MEGF6: variants seen among roughly 807,000 people sequenced by gnomAD.
MEGF6 encodes multiple epidermal growth factor-like domains protein 6.
Under a neutral mutation model 207.1 loss-of-function variants are expected in MEGF6, and 184 were observed. That is an observed-to-expected ratio of 0.89 (90% CI 0.79 to 1.00). MEGF6 has a LOEUF of 1.00. Ranked by LOEUF, MEGF6 falls within the 50% of genes least tolerant of loss-of-function variation. The pLI, the probability that MEGF6 is intolerant of heterozygous loss-of-function variation, is 0.00. For synonymous variants in MEGF6, 1,038 were observed against 910.0 expected, an observed-to-expected ratio of 1.14 and a Z score of -2.53; for missense variants, 2,282 against 2,202.9, an observed-to-expected ratio of 1.04 and a Z score of -0.72.
Position 3,592,572 on chromosome 1 carries a change from G to A in MEGF6, c.376+2766C>T, listed in dbSNP as rs967994456. On this transcript the variant is annotated intron_variant, in intron 3 of 36. Coordinates refer to ENST00000356575, the MANE Select transcript of MEGF6 (RefSeq NM_001409.4). ...GAACCCCCAGGACTCGGCAGCAGCT[G>A]AGCCAAAACCCAGCAAACAATTGAG... is the stretch of plus-strand genomic sequence containing the variant. Among the ~76,000 whole-genome samples the A allele has an allele frequency of 2.6e-5, 4 of 152,194 alleles. No homozygotes were observed. The East Asian group carries it at 5.8e-4, about 22-fold the overall frequency.
chr1:3,604,851 C>G (rs889855943), intron 1 of MEGF6, among the ~76,000 whole-genome samples: 3 of 152,088 alleles, frequency 2.0e-5, no homozygotes, highest in African/African-American at 7.2e-5. Context: ...GAGGTTGGAT[C>G]AGGGACAGAG....
chr1:3,567,314 A>T (rs898517716), intron 4 of MEGF6, among the ~76,000 whole-genome samples: 1 of 152,150 alleles, frequency 6.6e-6, no homozygotes, highest in South Asian at 2.1e-4. Flanking sequence ...CCCTGAGGCC[A>T]CAGCTCCAGA....
chr1:3,539,180 G>A (rs1389009696), intron 4 of MEGF6, among the ~76,000 whole-genome samples: 1 of 152,034 alleles, frequency 6.6e-6, no homozygotes, highest in Non-Finnish European at 1.5e-5. Flanking sequence ...GTGGGGAGGC[G>A]GCCCAGGGCA....
intron 26 of MEGF6, 159 bp from the exon 27 acceptor site, chr1:3,497,520 C>G: frequency 9.6e-7 from 1 of 1,039,496 alleles, no homozygotes; most frequent in Non-Finnish European, 1.4e-6. Context: ...CCCCGCCACC[C>G]CGGAGGGCAG....
In MEGF6 at chr1:3,490,965, G is replaced by A; in HGVS notation, c.4517-6C>T. 2 of 1,596,548 alleles carry A rather than the reference G, an allele frequency of 1.3e-6. No individual in the cohort carries two copies. The highest frequency in any genetic ancestry group is 1.7e-6 in the Non-Finnish European group (2 of 1,174,514). On this transcript the variant is annotated splice_region_variant and splice_polypyrimidine_tract_variant and intron_variant, in intron 35 of 36. Coordinates refer to ENST00000356575, the MANE Select transcript of MEGF6 (RefSeq NM_001409.4). The stretch of plus-strand genomic sequence containing the variant: ...GGGGAGCCGGAGGGGCCCACCTGGA[G>A]GGGAGAGAGAGCAGGCCATGTTAGT...
chr1:3,519,193 C>T (rs1641650452), intron 5 of MEGF6, among the ~76,000 whole-genome samples: 1 of 152,216 alleles, frequency 6.6e-6, no homozygotes, highest in Non-Finnish European at 1.5e-5. Context: ...TCATCCTGCC[C>T]AGCGCCCGCC....
At chr1:3,580,031 C>T in intron 3 of MEGF6, 102 bp from the exon 4 acceptor site, 1 of 770,400 alleles carries the variant, frequency 1.3e-6, no homozygotes, top group South Asian at 2.0e-5. Flanking sequence ...CCCAGCCTGC[C>T]AGGTCCCCAG....
chr1:3,515,752 G>A (rs1418681176), intron 5 of MEGF6, among the ~76,000 whole-genome samples: 2 of 152,220 alleles, frequency 1.3e-5, no homozygotes, highest in East Asian at 1.9e-4. Context: ...GGATCCTCAG[G>A]CCTGTGGGGG....
At chr1:3,500,064 G>T in intron 21 of MEGF6, 140 bp from the exon 22 acceptor site, 1 of 1,296,766 alleles carries the variant, frequency 7.7e-7, no homozygotes, top group Non-Finnish European at 1.0e-6. Context: ...GGGAGACTGG[G>T]CTCACTCACA....
intron 4 of MEGF6, among the ~76,000 whole-genome samples, chr1:3,545,172 C>G (rs1642662825): frequency 6.6e-6 from 1 of 152,128 alleles, no homozygotes. Context: ...CGTGCTGCCT[C>G]CGCAGGGACT....
chr1:3,539,405 C>T (rs757318940), intron 4 of MEGF6, among the ~76,000 whole-genome samples: 8 of 152,014 alleles, frequency 5.3e-5, no homozygotes, highest in Non-Finnish European at 1.0e-4. Flanking sequence ...GGGGGCTCAG[C>T]GGGTCTCTCC....
chr1:3,587,774 C>A (rs111620968), intron 3 of MEGF6, among the ~76,000 whole-genome samples: 2 of 151,664 alleles, frequency 1.3e-5, no homozygotes, highest in Admixed American at 6.6e-5. Context: ...TCAAAGCCTG[C>A]GCAGGCCATG....
chr1:3,531,345 G>A, intron 4 of MEGF6: 16 of 1,204,742 alleles, frequency 1.3e-5, no homozygotes, highest in Non-Finnish European at 1.6e-5. Flanking sequence ...CTGGTTCTGG[G>A]TTCCGGGCGG....
At chr1:3,498,613 C>T in intron 25 of MEGF6, 85 bp downstream of exon 25, 1 of 1,486,188 alleles carries the variant, frequency 6.7e-7, no homozygotes, top group Non-Finnish European at 9.0e-7. Flanking sequence ...GCGCTGCCCC[C>T]TGACCTGGGA....
Position 3,509,174 on chromosome 1 carries a change from G to A in MEGF6, c.1429C>T (p.Leu477Phe). The A allele has an allele frequency of 6.3e-7, 1 of 1,581,304 alleles. No individual in the cohort carries two copies. The highest frequency in any genetic ancestry group is 8.6e-7 in the Non-Finnish European group (1 of 1,164,284). ...AAGAGTTGCGGCAGCTCGTCCTGGA[G>A]CACGGCAATGTGGGGCAGGGGCCGC... ...FVRPLPHIAV[L>F]QDELPQLFQD... The change falls in exon 12 of 37, where the codon CTC becomes TTC. Residue 477 changes from leucine (L) to phenylalanine (F), a missense_variant. By Grantham distance (22) the Leu-to-Phe change is conservative. Transcript: ENST00000356575.
chr1:3,540,614 A>G (rs538319445), intron 4 of MEGF6, among the ~76,000 whole-genome samples: 409 of 152,336 alleles, frequency 2.7e-3, no homozygotes, highest in Middle Eastern at 6.8e-3. Flanking sequence ...GTAATTTACA[A>G]ACCCCTGGAT....
intron 4 of MEGF6, among the ~76,000 whole-genome samples, chr1:3,525,949 G>A (rs1187447520): frequency 6.6e-6 from 1 of 152,210 alleles, no homozygotes; most frequent in Non-Finnish European, 1.5e-5. Flanking sequence ...CAGGCTTCCT[G>A]GACACCTGTG....
intron 3 of MEGF6, among the ~76,000 whole-genome samples, chr1:3,580,663 G>T (rs1195128477): frequency 1.3e-5 from 2 of 152,036 alleles, no homozygotes; most frequent in Non-Finnish European, 2.9e-5. Flanking sequence ...GCTGGACCGG[G>T]TGCCCCCCGG....
At chr1:3,584,693 G>A (rs1237721009) in intron 3 of MEGF6, among the ~76,000 whole-genome samples, 9 of 152,348 alleles carry the variant, frequency 5.9e-5, no homozygotes, top group South Asian at 2.1e-4. Flanking sequence ...GGACAGGGAC[G>A]GAGCCGAGGA....
Sources: allele counts gnomAD v4.1 joint callset (sites outside exome capture counted in the v4.1 genomes callset), GRCh38; gene constraint gnomAD v4.1.1; transcripts MANE v1.5; gene names NCBI Gene and HGNC (gene_info 2026-07-23, HGNC 2026-07-21).